The following TMEM30A variants were observed in gnomAD, a reference collection of about 807,000 sequenced individuals.
TMEM30A encodes the protein cell cycle control protein 50A.
In TMEM30A, 24 loss-of-function variants were observed where a neutral mutation model predicts 38.2. That is an observed-to-expected ratio of 0.63 (90% CI 0.46 to 0.88). The LOEUF (loss-of-function observed/expected upper bound fraction) is 0.88. Ranked by LOEUF, TMEM30A falls within the 40% of genes least tolerant of loss-of-function variation. The pLI, the probability that TMEM30A is intolerant of heterozygous loss-of-function variation, is 0.00. For synonymous variants in TMEM30A, 145 were observed against 161.6 expected, an observed-to-expected ratio of 0.90 and a Z score of 0.78; for missense variants, 370 against 458.6, an observed-to-expected ratio of 0.81 and a Z score of 1.77.
chr6:75,253,745 T>A lies in TMEM30A; in HGVS notation c.*2357A>T, dbSNP rs1771822701. ...CTTGACTCTTCTCTTGGTTGAATGA[T>A]TTTCTATTAATTAGTAGTACACAGC... On this transcript the variant is annotated 3_prime_UTR_variant, in exon 7 of 7. Transcript: ENST00000230461. The A allele has an allele frequency of 6.5e-6, 1 of 152,708 alleles. No homozygotes were observed. The highest frequency in any genetic ancestry group is 1.9e-4 in the East Asian group (1 of 5,192). 9.5% of individuals were successfully genotyped at this position (152,708 alleles called of 1,614,324 possible).
chr6:75,265,810 T>C (rs538564486), intron 2 of TMEM30A, among the ~76,000 whole-genome samples: 8 of 152,246 alleles, frequency 5.3e-5, no homozygotes, highest in African/African-American at 1.9e-4. Flanking sequence ...ACCGCCTCTA[T>C]CCCTAGACAC....
intron 1 of TMEM30A, among the ~76,000 whole-genome samples, chr6:75,274,491 A>G (rs915958026): frequency 1.2e-4 from 18 of 152,276 alleles, no homozygotes; most frequent in African/African-American, 4.3e-4. Flanking sequence ...ACAGAATGCC[A>G]CCACAATAAT....
chr6:75,274,696 G>A (rs2149523303), intron 1 of TMEM30A, among the ~76,000 whole-genome samples: 1 of 152,264 alleles, frequency 6.6e-6, no homozygotes, highest in East Asian at 1.9e-4. Flanking sequence ...CTCTCTGTAA[G>A]GTTTACCACT....
rs1428777615 is a variant in TMEM30A at position 75,254,100 on chromosome 6, G to A, written c.*2002C>T. ...TTAGAGATCAAACAGCAGAAAACAG[G>A]AGGAACTTAGGCCATCAATGGACTT... On this transcript the variant is annotated 3_prime_UTR_variant, in exon 7 of 7. Coordinates refer to ENST00000230461, the MANE Select transcript of TMEM30A (RefSeq NM_018247.4). 1 of 152,062 alleles carries A rather than the reference G, an allele frequency of 6.6e-6. No individual in the cohort carries two copies. Among genetic ancestry groups the A allele is most frequent in the Non-Finnish European group, 1.5e-5 (1 of 67,984 alleles). The allele number at this position is 152,062 out of a possible 1,614,324, so 9.4% of individuals were successfully genotyped here. A position where few individuals can be genotyped will look rare whatever the true frequency, so the allele number is the denominator to read the frequency against.
chr6:75,265,387 T>A, intron 2 of TMEM30A, 49 bp from the exon 3 acceptor site: 1 of 1,130,214 alleles, frequency 8.8e-7, no homozygotes, highest in Non-Finnish European at 1.3e-6. Context: ...CTATTCTGTA[T>A]AAACTTATTT....
In TMEM30A at chr6:75,263,967, C is replaced by T. The variant is rs72880235; in HGVS notation, c.453+1264G>A. ...TTGGAACACACACTATCTATAATCC[C>T]TAAAAAACACATTCAGAAAGGTCTA... On this transcript the variant is annotated intron_variant, in intron 3 of 6. Transcript: ENST00000230461. Among the ~76,000 whole-genome samples the T allele has an allele frequency of 5.4e-3, 827 of 152,218 alleles. 5 individuals are homozygous for T. The highest frequency in any genetic ancestry group is 9.4e-3 in the Non-Finnish European group (638 of 68,002).
chr6:75,276,265 T>C (rs191427693), intron 1 of TMEM30A, among the ~76,000 whole-genome samples: 21 of 152,296 alleles, frequency 1.4e-4, no homozygotes, highest in Admixed American at 1.2e-3. Flanking sequence ...TAAACGTAAA[T>C]AAAGTGTTTA....
intron 1 of TMEM30A, among the ~76,000 whole-genome samples, chr6:75,284,029 C>T (rs1365589910): frequency 1.3e-5 from 2 of 151,578 alleles, no homozygotes; most frequent in Non-Finnish European, 2.9e-5. Context: ...GTTACAATTG[C>T]CCCCCGCCCC....
intron 1 of TMEM30A, among the ~76,000 whole-genome samples, chr6:75,269,660 G>A (rs1582281093): frequency 1.3e-5 from 2 of 152,166 alleles, no homozygotes; most frequent in East Asian, 1.9e-4. Context: ...TAAATACAAG[G>A]TATGCAATTG....
chr6:75,264,668 AAT>A (rs1491526554), intron 3 of TMEM30A, among the ~76,000 whole-genome samples: 2 of 151,996 alleles, frequency 1.3e-5, no homozygotes, highest in African/African-American at 4.8e-5. Flanking sequence ...AATAAAAAAA[AAT>A]ACATAGGCAC....
Position 75,259,428 on chromosome 6 carries a change from T to C in TMEM30A, c.604A>G (p.Lys202Glu). ...TTATCTGTCCACCAAGCAATACCTT[T>C]CTTTTTCAAAGCGATAGGTATAGGA... ...SYPIPIALKK[K>E]GIAWWTDKNV... Residue 202 changes from lysine to glutamate, a missense_variant, in exon 5 of 7, where the codon AAA (lysine) becomes GAA (glutamate). By Grantham distance (56) the Lys-to-Glu change is moderately conservative. Coordinates refer to ENST00000230461, the MANE Select transcript of TMEM30A (RefSeq NM_018247.4). The C allele has an allele frequency of 6.2e-7, 1 of 1,613,520 alleles. No homozygotes were observed. The highest frequency in any genetic ancestry group is 8.5e-7 in the Non-Finnish European group (1 of 1,179,634).
intron 1 of TMEM30A, among the ~76,000 whole-genome samples, chr6:75,273,503 T>C (rs997739112): frequency 2.0e-5 from 3 of 148,978 alleles, no homozygotes; most frequent in Non-Finnish European, 4.5e-5. Flanking sequence ...AAAAAAAGTA[T>C]AGGTGGTATG....
chr6:75,258,377 C>A (rs1272666875), intron 6 of TMEM30A, among the ~76,000 whole-genome samples: 1 of 152,020 alleles, frequency 6.6e-6, no homozygotes, highest in African/African-American at 2.4e-5. Context: ...TACATTGATA[C>A]AAATTAACAC....
intron 1 of TMEM30A, among the ~76,000 whole-genome samples, chr6:75,273,340 C>A (rs1772206786): frequency 1.3e-5 from 2 of 152,092 alleles, no homozygotes; most frequent in South Asian, 2.1e-4. Context: ...TTTCTGACTG[C>A]CCATCATGAC....
chr6:75,262,210 G>A (rs1185481206), intron 3 of TMEM30A, among the ~76,000 whole-genome samples: 1 of 152,178 alleles, frequency 6.6e-6, no homozygotes, highest in Non-Finnish European at 1.5e-5. Flanking sequence ...AGCCAGGCAT[G>A]GTGGCGTGCA....
intron 4 of TMEM30A, 140 bp from the exon 5 acceptor site, chr6:75,259,630 T>A: frequency 1.6e-6 from 1 of 613,420 alleles, no homozygotes; most frequent in Non-Finnish European, 2.6e-6. Context: ...ACATTTGTTC[T>A]TTATTCCTAT....
rs918043239 is a variant in TMEM30A at position 75,254,671 on chromosome 6, G to A, written c.*1431C>T. ...CTTTTGATTTAAAATATAACTGAAG[G>A]AAAATATAAACTCTGAGTAAACAGG... On this transcript the variant is annotated 3_prime_UTR_variant, in exon 7 of 7. Transcript: ENST00000230461. 1 of 151,894 alleles carries A rather than the reference G, an allele frequency of 6.6e-6. No individual in the cohort carries two copies. The highest frequency in any genetic ancestry group is 2.4e-5 in the African/African-American group (1 of 41,346). 9.4% of individuals were successfully genotyped at this position (151,894 alleles called of 1,614,324 possible).
chr6:75,280,942 A>G (rs1772347584), intron 1 of TMEM30A, among the ~76,000 whole-genome samples: 4 of 152,240 alleles, frequency 2.6e-5, no homozygotes, highest in African/African-American at 9.6e-5. Flanking sequence ...AGGAGTAAAA[A>G]CATACATAAA....
In TMEM30A at chr6:75,256,113, T is replaced by C. The variant is rs747233043; in HGVS notation, c.1075A>G (p.Ile359Val). ...TTCATAATATAAAATTAAATGGTAA[T>C]GTCAGCTGTATTACTACTGTTTCTA... Reference protein sequence around the residue: ...KYRNSSNTADITI With the variant: ...KYRNSSNTADVTI The change falls in exon 7 of 7, where the codon ATT becomes GTT. Residue 359 changes from isoleucine to valine, a missense_variant. Ile to Val is a conservative substitution (Grantham distance 29, BLOSUM62 3). Coordinates refer to ENST00000230461, the MANE Select transcript of TMEM30A (RefSeq NM_018247.4). 3 of 1,604,142 alleles carry C rather than the reference T, an allele frequency of 1.9e-6. No homozygotes were observed. The South Asian group carries it at 3.3e-5, about 18-fold the overall frequency.
Sources: allele counts gnomAD v4.1 joint callset (sites outside exome capture counted in the v4.1 genomes callset), GRCh38; gene constraint gnomAD v4.1.1; transcripts MANE v1.5; gene names NCBI Gene and HGNC (gene_info 2026-07-23, HGNC 2026-07-21).